The following FAM13A variants were observed in gnomAD, a reference collection of about 807,000 sequenced individuals.
FAM13A encodes the protein protein FAM13A.
A neutral mutation model predicts 129.6 loss-of-function variants in FAM13A; 76 were observed. That is an observed-to-expected ratio of 0.59 (90% CI 0.49 to 0.71). The LOEUF (loss-of-function observed/expected upper bound fraction) is 0.71, where lower values mean the gene tolerates loss of function less well. Ranked by LOEUF, FAM13A falls within the 30% of genes least tolerant of loss-of-function variation. FAM13A has a pLI of 0.00. For synonymous variants in FAM13A, 443 were observed against 449.9 expected (o/e 0.98, Z 0.20); for missense variants, 1,108 against 1,249.3 (o/e 0.89, Z 1.70).
intron 6 of FAM13A, among the ~76,000 whole-genome samples, chr4:88,874,782 A>C (rs957918686): frequency 6.6e-6 from 1 of 152,208 alleles, no homozygotes; most frequent in African/African-American, 2.4e-5. Context: ...CAGAATTGGA[A>C]AAAACTACTT....
At chr4:88,871,666 T>C (rs1002297291) in intron 6 of FAM13A, among the ~76,000 whole-genome samples, 2 of 152,104 alleles carry the variant, frequency 1.3e-5, no homozygotes, top group Admixed American at 6.5e-5. Context: ...AAATCTACGT[T>C]TGATTGGTGT....
At chr4:88,925,759 A>G (rs1036025862) in intron 5 of FAM13A, among the ~76,000 whole-genome samples, 2 of 150,982 alleles carry the variant, frequency 1.3e-5, no homozygotes, top group African/African-American at 4.9e-5. Context: ...TAAATATGAG[A>G]TATTGTTCTC....
At chr4:89,031,872 T>C (rs1006169726) in intron 1 of FAM13A, among the ~76,000 whole-genome samples, 1 of 152,184 alleles carries the variant, frequency 6.6e-6, no homozygotes, top group Non-Finnish European at 1.5e-5. Flanking sequence ...CCTTGATTTA[T>C]TCCTAGAAAT....
At chr4:89,016,300 T>G (rs1009387075) in intron 3 of FAM13A, among the ~76,000 whole-genome samples, 2 of 152,100 alleles carry the variant, frequency 1.3e-5, no homozygotes, top group Non-Finnish European at 2.9e-5. Context: ...ATGCAAGGTA[T>G]TTGTATTTTA....
At chr4:88,973,869 G>A (rs1234560739) in intron 4 of FAM13A, among the ~76,000 whole-genome samples, 3 of 152,238 alleles carry the variant, frequency 2.0e-5, no homozygotes, top group South Asian at 4.2e-4. Flanking sequence ...CTTCACAAGT[G>A]ATTCTCAGTT....
At chr4:88,900,362 A>C (rs779001206) in intron 6 of FAM13A, among the ~76,000 whole-genome samples, 1 of 152,044 alleles carries the variant, frequency 6.6e-6, no homozygotes, top group Admixed American at 6.6e-5. Context: ...CTCCAAGGGC[A>C]AAATGAAAGA....
rs528341217 is a variant in FAM13A, at chr4:88,768,474, T to C, written c.1459-415A>G. 3.8e-5 allele frequency: 6 copies of C among 158,914 alleles called. No individual in the cohort carries two copies. In the South Asian group the frequency reaches 1.0e-3, roughly 27 times the overall value. 9.8% of individuals were successfully genotyped at this position (158,914 alleles called of 1,614,324 possible). On this transcript the variant is annotated intron_variant, in intron 11 of 23. Coordinates refer to ENST00000264344, the MANE Select transcript of FAM13A (RefSeq NM_014883.4). ...TACTCTCTCTCTATCTATCTATCTA[T>C]ATAAGAACGTATATATACATATGCA...
chr4:88,968,044 T>A (rs1449654219), intron 4 of FAM13A, among the ~76,000 whole-genome samples: 1 of 152,188 alleles, frequency 6.6e-6, no homozygotes, highest in Non-Finnish European at 1.5e-5. Context: ...CCTGCCATAA[T>A]TTGCAGAGTC....
At chr4:88,754,903 A>G (rs548716217) in intron 14 of FAM13A, among the ~76,000 whole-genome samples, 13 of 152,276 alleles carry the variant, frequency 8.5e-5, no homozygotes, top group African/African-American at 3.1e-4. Flanking sequence ...AGGACTTTTT[A>G]CCTAATGAGA....
chr4:88,936,396 G>A lies in FAM13A; in HGVS notation c.759+1692C>T, dbSNP rs150435970. Reference sequence around the variant, plus strand: ...CACGGCAGAAGAAGAAGGGGAGCAGGCATATCACATGGCGAGAGTGGGAGC... The same window carrying A: ...CACGGCAGAAGAAGAAGGGGAGCAGACATATCACATGGCGAGAGTGGGAGC... On this transcript the variant is annotated intron_variant, in intron 5 of 23. Transcript: ENST00000264344. 6.2e-3 allele frequency: 951 copies of A among 152,438 alleles called. 6 individuals carry two copies. The highest frequency in any genetic ancestry group is 0.01 in the Middle Eastern group (3 of 296). The allele number at this position is 152,438 out of a possible 1,614,324, so 9.4% of individuals were successfully genotyped here. A position where few individuals can be genotyped will look rare whatever the true frequency, so the allele number is the denominator to read the frequency against.
At chr4:88,853,989 T>C (rs921937355) in intron 6 of FAM13A, among the ~76,000 whole-genome samples, 7 of 152,176 alleles carry the variant, frequency 4.6e-5, no homozygotes, top group Non-Finnish European at 7.3e-5. Flanking sequence ...TGGCCACAGA[T>C]TGAAGGCTCC....
chr4:89,006,687 C>T (rs948706979), intron 3 of FAM13A, among the ~76,000 whole-genome samples: 5 of 152,310 alleles, frequency 3.3e-5, no homozygotes, highest in South Asian at 2.1e-4. Flanking sequence ...CTTGGTACCC[C>T]GGTCCTTGTC....
At chr4:88,894,548 G>GTC (rs1455293792) in intron 6 of FAM13A, among the ~76,000 whole-genome samples, 3 of 152,134 alleles carry the variant, frequency 2.0e-5, no homozygotes, top group Non-Finnish European at 4.4e-5. Flanking sequence ...TTTTGATACA[G>GTC]AGTCTCACTC....
intron 3 of FAM13A, among the ~76,000 whole-genome samples, chr4:88,991,750 C>T (rs1762949332): frequency 6.6e-6 from 1 of 152,112 alleles, no homozygotes. Flanking sequence ...AAACTTAATT[C>T]CTAAACAGCT....
At chr4:88,980,673 A>G (rs10009019) in intron 4 of FAM13A, among the ~76,000 whole-genome samples, 105,606 of 152,026 alleles carry the variant, frequency 0.69, 36,800 homozygotes, top group Middle Eastern at 0.79. Flanking sequence ...GTGATCCTAC[A>G]GCTTGGGCTT....
intron 4 of FAM13A, among the ~76,000 whole-genome samples, chr4:88,970,448 T>G (rs531523166): frequency 2.0e-4 from 31 of 151,292 alleles, no homozygotes; most frequent in South Asian, 6.2e-4. Flanking sequence ...GAGAGAGATA[T>G]ATATATATAT....
chr4:88,877,815 C>T (rs1395175138), intron 6 of FAM13A, among the ~76,000 whole-genome samples: 1 of 152,178 alleles, frequency 6.6e-6, no homozygotes, highest in African/African-American at 2.4e-5. Flanking sequence ...CAACTTTCTC[C>T]TTGAATCTTC....
At chr4:89,033,136 A>ACTCTCT (rs34237387) in intron 1 of FAM13A, among the ~76,000 whole-genome samples, 1 of 149,870 alleles carries the variant, frequency 6.7e-6, no homozygotes, top group Non-Finnish European at 1.5e-5. Context: ...ACACACACAC[A>ACTCTCT]CTCTCTCTCT....
chr4:88,867,770 A>T (rs780240591), intron 6 of FAM13A, among the ~76,000 whole-genome samples: 1 of 152,252 alleles, frequency 6.6e-6, no homozygotes, highest in Non-Finnish European at 1.5e-5. Flanking sequence ...AATTTCAGGG[A>T]TATGTGCACA....
Sources: allele counts gnomAD v4.1 joint callset (sites outside exome capture counted in the v4.1 genomes callset), GRCh38; gene constraint gnomAD v4.1.1; transcripts MANE v1.5; gene names NCBI Gene and HGNC (gene_info 2026-07-23, HGNC 2026-07-21).